TRHDE: variants seen among roughly 807,000 people sequenced by gnomAD.
TRHDE encodes the protein thyrotropin-releasing hormone-degrading ectoenzyme.
Under a neutral mutation model 125.7 loss-of-function variants are expected in TRHDE, and 72 were observed. That is an observed-to-expected ratio of 0.57 (90% confidence interval 0.47 to 0.70). The LOEUF is 0.70. Among genes scored for constraint, TRHDE ranks in the 30% least tolerant of loss-of-function variants. The pLI, the probability that TRHDE is intolerant of heterozygous loss-of-function variation, is 0.00. For synonymous variants in TRHDE, 509 were observed against 509.1 expected, an observed-to-expected ratio of 1.00 and a Z score of 0.00; for missense variants, 1,110 against 1,327.1, an observed-to-expected ratio of 0.84 and a Z score of 2.54.
At chr12:72,226,287 T>C (rs1235094949) in intron 2 of TRHDE, among the ~76,000 whole-genome samples, 2 of 152,190 alleles carry the variant, frequency 1.3e-5, no homozygotes, top group Non-Finnish European at 2.9e-5. Context: ...CATAACATTC[T>C]TAGCCCTTTG....
intron 2 of TRHDE, among the ~76,000 whole-genome samples, chr12:72,172,142 CT>C (rs1410779500): frequency 6.6e-6 from 1 of 152,174 alleles, no homozygotes; most frequent in Middle Eastern, 3.2e-3. Flanking sequence ...GAAAATATAT[CT>C]CTTATACATA....
intron 12 of TRHDE, among the ~76,000 whole-genome samples, chr12:72,600,444 A>G (rs1419870365): frequency 1.3e-5 from 2 of 151,872 alleles, no homozygotes; most frequent in East Asian, 1.9e-4. Context: ...GCAGTGTTTT[A>G]TAGTTCTCCT....
intron 7 of TRHDE, among the ~76,000 whole-genome samples, chr12:72,561,351 A>C (rs1215396434): frequency 6.6e-6 from 1 of 152,174 alleles, no homozygotes; most frequent in Non-Finnish European, 1.5e-5. Flanking sequence ...AGATAATGGA[A>C]TTTCAAATGA....
chr12:72,247,906 AATGT>A (rs1490882122), intron 2 of TRHDE, among the ~76,000 whole-genome samples: 5 of 152,096 alleles, frequency 3.3e-5, no homozygotes, highest in Admixed American at 1.3e-4. Flanking sequence ...TGTATCTATG[AATGT>A]ATGTATCTAT....
chr12:72,546,339 G>A (rs1448353778), intron 7 of TRHDE, among the ~76,000 whole-genome samples: 1 of 151,580 alleles, frequency 6.6e-6, no homozygotes, highest in African/African-American at 2.4e-5. Flanking sequence ...TAAGGTTGTT[G>A]TTTTGGTTTT....
At chr12:72,406,096 G>C (rs1020973335) in intron 3 of TRHDE, among the ~76,000 whole-genome samples, 1 of 152,084 alleles carries the variant, frequency 6.6e-6, no homozygotes, top group Non-Finnish European at 1.5e-5. Flanking sequence ...CAGGAATCTA[G>C]GACTCTCAAG....
chr12:72,197,749 T>G (rs1877474000), intron 2 of TRHDE, among the ~76,000 whole-genome samples: 1 of 152,082 alleles, frequency 6.6e-6, no homozygotes, highest in Admixed American at 6.6e-5. Context: ...CATTTCCTCC[T>G]TTGTGTATCT....
At chr12:72,158,148 T>A (rs1876559002) in intron 2 of TRHDE, among the ~76,000 whole-genome samples, 1 of 151,876 alleles carries the variant, frequency 6.6e-6, no homozygotes, top group African/African-American at 2.4e-5. Context: ...ACGGAGAGGG[T>A]TTGGGAAAGA....
intron 12 of TRHDE, among the ~76,000 whole-genome samples, chr12:72,580,768 TTTC>T (rs1358855666): frequency 2.6e-5 from 4 of 152,168 alleles, no homozygotes; most frequent in Admixed American, 6.6e-5. Flanking sequence ...TGTTTGTTTG[TTTC>T]GATAAAGCAT....
chr12:72,378,697 T>G lies in TRHDE; in HGVS notation c.1315+576T>G, dbSNP rs184694562. Among the ~76,000 whole-genome samples the G allele has an allele frequency of 5.9e-5, 9 of 152,342 alleles. No homozygotes were observed. In the East Asian group the frequency reaches 1.7e-3, roughly 29 times the overall value. Reference sequence around the variant, plus strand: ...TTCAGTCATATATCTAGTACACTATTATAGTAAATACAATACAAATAAGAG... The same window carrying G: ...TTCAGTCATATATCTAGTACACTATGATAGTAAATACAATACAAATAAGAG... On this transcript the variant is annotated intron_variant, in intron 3 of 18. Transcript: ENST00000261180.
At chr12:72,107,759 A>G (rs533484148) in intron 2 of TRHDE, among the ~76,000 whole-genome samples, 2 of 152,212 alleles carry the variant, frequency 1.3e-5, no homozygotes, top group African/African-American at 4.8e-5. Flanking sequence ...AAAATTATCA[A>G]TGGCTTTGAT....
rs1198343851 is a variant in TRHDE at position 72,653,099 on chromosome 12, A to G, written c.2927A>G (p.His976Arg). 7 of 1,609,964 alleles carry G rather than the reference A, an allele frequency of 4.3e-6. No individual in the cohort carries two copies. Among genetic ancestry groups the G allele is most frequent in the Non-Finnish European group, 5.9e-6 (7 of 1,177,622 alleles). ...ATAATCCATGTAGCTCGAAATCCAC[A>G]TGGTCGAGACCTTGCCTGGAAGTTT... ...DVIIHVARNP[H>R]GRDLAWKFFR... Residue 976 changes from histidine (H) to arginine (R), a missense_variant, in exon 17 of 19, where the codon CAT (histidine) becomes CGT (arginine). Physicochemically the swap from His to Arg is conservative, Grantham distance 29. Around this residue, in one of 5 missense-constraint regions of TRHDE, gnomAD observed 527 missense variants for 651.8 expected, o/e 0.81. Transcript: ENST00000261180.
At chr12:72,243,924 C>A (rs1180959295) in intron 2 of TRHDE, among the ~76,000 whole-genome samples, 1 of 152,148 alleles carries the variant, frequency 6.6e-6, no homozygotes. Flanking sequence ...TTAATTAGGT[C>A]ATAGAGACCA....
chr12:72,502,296 A>C (rs772249676), intron 6 of TRHDE, among the ~76,000 whole-genome samples: 1 of 152,058 alleles, frequency 6.6e-6, no homozygotes, highest in Non-Finnish European at 1.5e-5. Flanking sequence ...TTTATTCAGT[A>C]AATTTTTTCC....
intron 2 of TRHDE, among the ~76,000 whole-genome samples, chr12:72,258,599 C>A (rs1230747581): frequency 6.6e-6 from 1 of 152,034 alleles, no homozygotes; most frequent in Non-Finnish European, 1.5e-5. Context: ...TTTGCATGAA[C>A]AGTATGGTGG....
intron 2 of TRHDE, among the ~76,000 whole-genome samples, chr12:72,345,929 A>G (rs566757705): frequency 6.6e-6 from 1 of 152,128 alleles, no homozygotes; most frequent in Admixed American, 6.6e-5. Context: ...GGTTGGGTGA[A>G]TCTGAAAGTA....
chr12:72,419,091 G>A (rs558970699), intron 3 of TRHDE, among the ~76,000 whole-genome samples: 2 of 152,258 alleles, frequency 1.3e-5, no homozygotes, highest in South Asian at 4.1e-4. Context: ...GGAAAAAGCA[G>A]CTTTGCCATC....
chr12:72,574,469 T>A (rs1032877476), intron 10 of TRHDE, among the ~76,000 whole-genome samples: 7 of 152,236 alleles, frequency 4.6e-5, no homozygotes, highest in African/African-American at 1.4e-4. Flanking sequence ...ACATAATTAT[T>A]AGAACTGTGA....
chr12:72,216,236 T>C (rs1344861715), intron 2 of TRHDE, among the ~76,000 whole-genome samples: 1 of 152,188 alleles, frequency 6.6e-6, no homozygotes, highest in African/African-American at 2.4e-5. Flanking sequence ...ATGAGACTTC[T>C]AGGCTAGCAG....
Sources: allele counts gnomAD v4.1 joint callset (sites outside exome capture counted in the v4.1 genomes callset), GRCh38; gene constraint gnomAD v4.1.1; regional missense constraint gnomAD v4.1.1; transcripts MANE v1.5; gene names NCBI Gene and HGNC (gene_info 2026-07-23, HGNC 2026-07-21).